Variants in PEAK1 observed in about 807,000 individuals in gnomAD.
The protein encoded by PEAK1 is inactive tyrosine-protein kinase PEAK1.
PEAK1 carries 54 observed loss-of-function variants against 124.7 expected under a neutral mutation model. That is an observed-to-expected ratio of 0.43 (90% CI 0.35 to 0.54). PEAK1 has a LOEUF of 0.54. PEAK1 is among the 20% of genes least tolerant of loss of function. The pLI is 0.01. For synonymous variants in PEAK1, 719 were observed against 760.0 expected (o/e 0.95, Z 0.89); for missense variants, 2,046 against 2,134.5 (o/e 0.96, Z 0.82).
chr15:77,201,480 C>T (rs1200571144), intron 6 of PEAK1, among the ~76,000 whole-genome samples: 2 of 152,014 alleles, frequency 1.3e-5, no homozygotes, highest in Non-Finnish European at 2.9e-5. Context: ...CCTCGTGATC[C>T]TCCTGCCTCG....
chr15:77,233,187 C>T (rs2059980293), intron 6 of PEAK1, among the ~76,000 whole-genome samples: 2 of 152,296 alleles, frequency 1.3e-5, no homozygotes, highest in African/African-American at 4.8e-5. Context: ...CACTGCATTT[C>T]TCCATTACCT....
At chr15:77,253,251 G>GA (rs1021330751) in intron 5 of PEAK1, among the ~76,000 whole-genome samples, 2 of 149,628 alleles carry the variant, frequency 1.3e-5, no homozygotes, top group Non-Finnish European at 3.0e-5. Flanking sequence ...GCGTTGGGGG[G>GA]GGGGTGGTCC....
At position 77,180,013 on chromosome 15, in the gene PEAK1, T is replaced by C. The variant is rs1207336377; in HGVS notation, c.1914A>G (p.Leu638=). The C allele has an allele frequency of 6.2e-7, 1 of 1,614,136 alleles. No individual in the cohort carries two copies. The highest frequency in any genetic ancestry group is 8.5e-7 in the Non-Finnish European group (1 of 1,179,966). The change falls in exon 7 of 10, where the codon CTA becomes CTG. Residue 638 remains leucine, a synonymous_variant. Coordinates refer to ENST00000682557, the MANE Select transcript of PEAK1 (RefSeq NM_001385026.1). ...TTCCCAGAAAACTTTTGTAGATAGCTAGATTGTCATATGCATTTGGATTGA... is the reference window on the plus strand; with the variant it reads ...TTCCCAGAAAACTTTTGTAGATAGCCAGATTGTCATATGCATTTGGATTGA... The part of the protein sequence containing the change: ...IVINPNAYDN[L]AIYKSFLGTS...
chr15:77,125,329 T>G (rs1245361102), intron 9 of PEAK1, among the ~76,000 whole-genome samples: 4 of 152,186 alleles, frequency 2.6e-5, no homozygotes, highest in Admixed American at 1.3e-4. Context: ...CCAGTAGGTA[T>G]AGCGTGCAAC....
intron 1 of PEAK1, among the ~76,000 whole-genome samples, chr15:77,409,480 C>T (rs1029468132): frequency 2.6e-5 from 4 of 152,202 alleles, no homozygotes; most frequent in Non-Finnish European, 5.9e-5. Context: ...AATCCATGTT[C>T]TTAACCACAA....
chr15:77,173,347 T>G (rs2056639353), intron 7 of PEAK1, among the ~76,000 whole-genome samples: 1 of 152,174 alleles, frequency 6.6e-6, no homozygotes, highest in Non-Finnish European at 1.5e-5. Flanking sequence ...CAAATAATAA[T>G]TGTATATATT....
At position 77,108,993 on chromosome 15, in the gene PEAK1, C is replaced by T. The variant is rs1047113184; in HGVS notation, c.*5163G>A. 6.6e-6 allele frequency: 1 copy of T among 152,092 alleles called. No homozygotes were observed. Among genetic ancestry groups the T allele is most frequent in the African/African-American group, 2.4e-5 (1 of 41,410 alleles). The allele number at this position is 152,092 out of a possible 1,614,324, so 9.4% of individuals were successfully genotyped here. Reference sequence around the variant, plus strand: ...AATCTATTCTAATTTTAAACAGTTGCAGGGAGGGGGTGTTTAACGGCTGTA... The same window carrying T: ...AATCTATTCTAATTTTAAACAGTTGTAGGGAGGGGGTGTTTAACGGCTGTA... On this transcript the variant is annotated 3_prime_UTR_variant, in exon 10 of 10. Coordinates refer to ENST00000682557, the MANE Select transcript of PEAK1 (RefSeq NM_001385026.1).
chr15:77,349,881 G>T (rs1246575065), intron 2 of PEAK1: 1 of 985,210 alleles, frequency 1.0e-6, no homozygotes, highest in Non-Finnish European at 1.2e-6. Context: ...GAACAATATG[G>T]TATCTAAAAA....
At chr15:77,134,620 A>C (rs1334234926) in intron 8 of PEAK1, among the ~76,000 whole-genome samples, 1 of 152,236 alleles carries the variant, frequency 6.6e-6, no homozygotes, top group Non-Finnish European at 1.5e-5. Context: ...GTTTGAATAT[A>C]CCTTCAGGGC....
intron 1 of PEAK1, chr15:77,401,946 C>G: frequency 2.0e-6 from 2 of 976,542 alleles, no homozygotes; most frequent in Non-Finnish European, 2.4e-6. Flanking sequence ...CACCTGTAAT[C>G]CCAGCACTTT....
At chr15:77,369,089 A>G (rs758467560) in intron 1 of PEAK1, among the ~76,000 whole-genome samples, 19 of 152,258 alleles carry the variant, frequency 1.2e-4, no homozygotes, top group Admixed American at 3.9e-4. Flanking sequence ...CACTATTTAT[A>G]CTGATAACCA....
intron 2 of PEAK1, among the ~76,000 whole-genome samples, chr15:77,344,774 T>G (rs2066764060): frequency 6.6e-6 from 1 of 152,228 alleles, no homozygotes; most frequent in African/African-American, 2.4e-5. Flanking sequence ...TCCACCTCCT[T>G]GGTTAATTTA....
chr15:77,347,988 A>C (rs1017104366), intron 2 of PEAK1: 1 of 985,074 alleles, frequency 1.0e-6, no homozygotes, highest in Non-Finnish European at 1.2e-6. Flanking sequence ...TGCTAACAAG[A>C]CATTTTGTAA....
rs1439860124 is a variant in PEAK1 at position 77,250,913 on chromosome 15, A to G, written c.-115+1454T>C. ...GTTAGTACAGGGAAGAATAATTAGA[A>G]CATTCATTCTTTGGTATATAATTTC... On this transcript the variant is annotated intron_variant, in intron 6 of 9. Coordinates refer to ENST00000682557, the MANE Select transcript of PEAK1 (RefSeq NM_001385026.1). 2.5e-4 allele frequency among the ~76,000 whole-genome samples: 38 copies of G among 152,200 alleles called. 1 individual carries two copies. Among genetic ancestry groups the G allele is most frequent in the Admixed American group, 2.5e-3 (38 of 15,282 alleles).
chr15:77,153,531 T>C (rs972126719), intron 8 of PEAK1, among the ~76,000 whole-genome samples: 1 of 152,220 alleles, frequency 6.6e-6, no homozygotes, highest in African/African-American at 2.4e-5. Flanking sequence ...TGCTAGCTTT[T>C]GAATGTGTTT....
chr15:77,201,164 A>G (rs572779877), intron 6 of PEAK1, among the ~76,000 whole-genome samples: 1 of 151,508 alleles, frequency 6.6e-6, no homozygotes, highest in African/African-American at 2.4e-5. Context: ...CTACCACTCC[A>G]TGTCTTTCCA....
intron 9 of PEAK1, among the ~76,000 whole-genome samples, chr15:77,117,658 C>G (rs1358929296): frequency 6.6e-6 from 1 of 152,104 alleles, no homozygotes; most frequent in African/African-American, 2.4e-5. Context: ...TCAATACCTC[C>G]AAGCCAGGGT....
intron 5 of PEAK1, among the ~76,000 whole-genome samples, chr15:77,270,219 A>C (rs1197060075): frequency 6.6e-6 from 1 of 152,180 alleles, no homozygotes; most frequent in African/African-American, 2.4e-5. Context: ...AAACTGGCAC[A>C]AGACAGGGAT....
At chr15:77,414,411 G>T (rs571021077) in intron 1 of PEAK1, among the ~76,000 whole-genome samples, 14 of 147,796 alleles carry the variant, frequency 9.5e-5, no homozygotes, top group African/African-American at 3.5e-4. Flanking sequence ...TGTAAGCGAC[G>T]GGGTTTCACC....
Sources: allele counts gnomAD v4.1 joint callset (sites outside exome capture counted in the v4.1 genomes callset), GRCh38; gene constraint gnomAD v4.1.1; transcripts MANE v1.5; gene names NCBI Gene and HGNC (gene_info 2026-07-23, HGNC 2026-07-21).